Variants in PRKAR1A observed in about 807,000 individuals in gnomAD.
PRKAR1A encodes cAMP-dependent protein kinase type I-alpha regulatory subunit.
In PRKAR1A, 3 loss-of-function variants were observed where a neutral mutation model predicts 52.0. That is an observed-to-expected ratio of 0.06 (90% CI 0.03 to 0.15). PRKAR1A has a LOEUF of 0.15. PRKAR1A is among the 10% of genes least tolerant of loss of function. The probability of loss-of-function intolerance (pLI) is 1.00; values close to 1 mark genes in which losing one functional copy is unlikely to be tolerated. For synonymous variants in PRKAR1A, 188 were observed against 168.4 expected, an observed-to-expected ratio of 1.12 and a Z score of -0.90; for missense variants, 240 against 477.4, an observed-to-expected ratio of 0.50 and a Z score of 4.63.
the PRKAR1A span, among the ~76,000 whole-genome samples, chr17:68,492,605 G>A: frequency 1.3e-5 from 2 of 152,128 alleles, no homozygotes; most frequent in Non-Finnish European, 2.9e-5. Context: ...GCTATGCAGC[G>A]CCAAAGTGTG....
the PRKAR1A span, among the ~76,000 whole-genome samples, chr17:68,415,114 A>T: frequency 6.6e-6 from 1 of 152,040 alleles, no homozygotes; most frequent in Admixed American, 6.6e-5. Context: ...GTATGACCTT[A>T]GAATGTCAGT....
chr17:68,543,564 C>G, intron 11 of PRKAR1A: 1 of 1,442,258 alleles, frequency 6.9e-7, no homozygotes. Context: ...GAGGGTCTGT[C>G]TAGCCACCCC....
At chr17:68,538,288 CTTAA>C (rs1414096469), downstream of PRKAR1A, among the ~76,000 whole-genome samples, 1 of 152,214 alleles carries the variant, frequency 6.6e-6, no homozygotes, top group Non-Finnish European at 1.5e-5. Context: ...GTGTAAGCAG[CTTAA>C]TTGACTTTTG....
At chr17:68,420,793 C>G in the PRKAR1A span, 2 of 306,864 alleles carry the variant, frequency 6.5e-6, no homozygotes, top group African/African-American at 4.3e-5. Context: ...TAAAGGCATA[C>G]ATGAAAATGC....
At chr17:68,466,923 T>C in the PRKAR1A span, among the ~76,000 whole-genome samples, 1 of 152,070 alleles carries the variant, frequency 6.6e-6, no homozygotes, top group East Asian at 1.9e-4. Flanking sequence ...CTACTACCCA[T>C]CCCTCCTCCC....
the PRKAR1A span, chr17:68,421,851 C>G: frequency 1.2e-6 from 2 of 1,614,072 alleles, no homozygotes; most frequent in Non-Finnish European, 1.7e-6. Flanking sequence ...TGGCCTTACT[C>G]TTCTCAGGAA....
At chr17:68,466,653 C>A in the PRKAR1A span, among the ~76,000 whole-genome samples, 1 of 152,024 alleles carries the variant, frequency 6.6e-6, no homozygotes, top group African/African-American at 2.4e-5. Flanking sequence ...CTCAAGTGAT[C>A]CACCCCCCTT....
the PRKAR1A span, among the ~76,000 whole-genome samples, chr17:68,489,235 GTATATATA>G: frequency 2.8e-3 from 28 of 10,086 alleles, 2 homozygotes; most frequent in African/African-American, 7.8e-3. Context: ...TATATGGAAA[GTATATATA>G]TATATATATA....
downstream of PRKAR1A, chr17:68,535,906 C>T (rs2086084352): frequency 2.2e-6 from 1 of 453,888 alleles, no homozygotes; most frequent in African/African-American, 2.0e-5. Context: ...TAGGTCTAAA[C>T]CACTAAATTG....
At chr17:68,445,564 C>A in the PRKAR1A span, among the ~76,000 whole-genome samples, 1 of 152,356 alleles carries the variant, frequency 6.6e-6, no homozygotes, top group African/African-American at 2.4e-5. Flanking sequence ...GGGCTCCTCT[C>A]TCTGGTGCTT....
At chr17:68,453,400 A>G in the PRKAR1A span, among the ~76,000 whole-genome samples, 2 of 152,104 alleles carry the variant, frequency 1.3e-5, no homozygotes, top group Admixed American at 6.5e-5. Flanking sequence ...GCACTTTACC[A>G]GATAAATCAG....
the PRKAR1A span, among the ~76,000 whole-genome samples, chr17:68,448,111 G>A: frequency 1.3e-5 from 2 of 151,902 alleles, no homozygotes; most frequent in Admixed American, 1.3e-4. Flanking sequence ...GGAAGTAGCA[G>A]ACTGAGTGCT....
At chr17:68,420,621 C>G in the PRKAR1A span, 1 of 859,066 alleles carries the variant, frequency 1.2e-6, no homozygotes, top group Non-Finnish European at 1.8e-6. Context: ...CCTGTCCCTC[C>G]TCCACGCCGA....
At chr17:68,434,286 C>T in the PRKAR1A span, among the ~76,000 whole-genome samples, 1 of 152,202 alleles carries the variant, frequency 6.6e-6, no homozygotes, top group Non-Finnish European at 1.5e-5. Context: ...TTGTGACTCC[C>T]TGGCTCTCTC....
Position 68,527,785 on chromosome 17 carries a change from A to G in PRKAR1A, c.709-55A>G, listed in dbSNP as rs1376862468. The G allele has an allele frequency of 6.0e-6, 8 of 1,335,994 alleles. No individual in the cohort carries two copies. In the Admixed American group the frequency reaches 1.2e-4, roughly 20 times the overall value. The allele number at this position is 1,335,994 out of a possible 1,614,324, so 82.8% of individuals were successfully genotyped here. A position where few individuals can be genotyped will look rare whatever the true frequency, so the allele number is the denominator to read the frequency against. ...TTAATATTTATTATTCCATAGCATT[A>G]TGTGGTGATAATTACACGTCTTGGG... On this transcript the variant is annotated intron_variant, in intron 7 of 10. Coordinates refer to ENST00000589228, the MANE Select transcript of PRKAR1A (RefSeq NM_002734.5).
At chr17:68,453,001 G>A in the PRKAR1A span, 1 of 1,605,798 alleles carries the variant, frequency 6.2e-7, no homozygotes, top group Non-Finnish European at 8.5e-7. Context: ...ATCTGTGGAG[G>A]ATAATGACAG....
chr17:68,460,152 G>A, the PRKAR1A span, among the ~76,000 whole-genome samples: 2 of 152,032 alleles, frequency 1.3e-5, no homozygotes, highest in Non-Finnish European at 2.9e-5. Context: ...ACTAAATATT[G>A]AATATCCGGT....
Position 68,524,097 on chromosome 17 carries a change from G to A in PRKAR1A, c.502+20G>A, listed in dbSNP as rs1195856812. 3.7e-6 allele frequency: 6 copies of A among 1,612,528 alleles called. No individual in the cohort carries two copies. In the Admixed American group the frequency reaches 8.3e-5, roughly 22 times the overall value. On this transcript the variant is annotated intron_variant, in intron 5 of 10. Coordinates refer to ENST00000589228, the MANE Select transcript of PRKAR1A (RefSeq NM_002734.5). ...AGCAAGGTAAGGGCCTCTGGAGCAT[G>A]CAATATTGTTACGGGAGAGGAGGCG...
chr17:68,538,870 T>C (rs1377583278), intron 11 of PRKAR1A, among the ~76,000 whole-genome samples: 1 of 152,228 alleles, frequency 6.6e-6, no homozygotes, highest in African/African-American at 2.4e-5. Context: ...ATTTTGATAG[T>C]TGTAGTACAG....
Sources: allele counts gnomAD v4.1 joint callset (sites outside exome capture counted in the v4.1 genomes callset), GRCh38; gene constraint gnomAD v4.1.1; transcripts MANE v1.5; gene names NCBI Gene and HGNC (gene_info 2026-07-23, HGNC 2026-07-21).